AIDA: variants seen among roughly 807,000 people sequenced by gnomAD.
AIDA encodes axin interactor, dorsalization-associated protein.
Under a neutral mutation model 42.7 loss-of-function variants are expected in AIDA, and 18 were observed. The ratio of observed to expected loss-of-function variants is 0.42; its 90% CI spans 0.29 to 0.63. AIDA has a LOEUF of 0.63. Ranked by LOEUF, AIDA falls within the 20% of genes least tolerant of loss-of-function variation. AIDA has a pLI of 0.19. For missense variants in AIDA, 250 were observed against 354.1 expected (o/e 0.71, Z 2.36); for synonymous variants, 104 against 122.9 (o/e 0.85, Z 1.02).
chr1:222,702,068 T>G (rs933715628), intron 2 of AIDA, among the ~76,000 whole-genome samples: 1 of 152,186 alleles, frequency 6.6e-6, no homozygotes, highest in African/African-American at 2.4e-5. Flanking sequence ...TTTTGTTTTT[T>G]AAATACAAAA....
rs1222152313 is a variant in AIDA at position 222,694,191 on chromosome 1, G to C, written c.234+19C>G. ...AATAATTTATTTTCCTTGTATTACA[G>C]AAGAGAAAAACTCCTTACCTGTAAA... is the stretch of plus-strand genomic sequence containing the variant. On this transcript the variant is annotated intron_variant, in intron 3 of 9. Transcript: ENST00000340020. 2 of 1,596,304 alleles carry C rather than the reference G, an allele frequency of 1.3e-6. No homozygotes were observed. Among genetic ancestry groups the C allele is most frequent in the Admixed American group, 3.6e-5 (2 of 56,154 alleles).
At chr1:222,707,930 T>A (rs547792982) in intron 1 of AIDA, among the ~76,000 whole-genome samples, 6 of 152,234 alleles carry the variant, frequency 3.9e-5, no homozygotes, top group Non-Finnish European at 8.8e-5. Flanking sequence ...TCTTTCCTTA[T>A]CTTACTGCAC....
chr1:222,689,481 G>GTA (rs1183093082), intron 4 of AIDA, among the ~76,000 whole-genome samples: 164 of 35,334 alleles, frequency 4.6e-3, no homozygotes, highest in South Asian at 0.022. Context: ...GTGTGTGTGT[G>GTA]TATATATATA....
chr1:222,671,666 C>G (rs1474455236), intron 8 of AIDA, among the ~76,000 whole-genome samples: 1 of 152,174 alleles, frequency 6.6e-6, no homozygotes, highest in Non-Finnish European at 1.5e-5. Flanking sequence ...ATTTGGCCAT[C>G]CACTCCCAAC....
At chr1:222,673,817 C>T (rs1277161394) in intron 7 of AIDA, among the ~76,000 whole-genome samples, 2 of 151,684 alleles carry the variant, frequency 1.3e-5, no homozygotes, top group South Asian at 2.1e-4. Flanking sequence ...GGCACGGTGG[C>T]TCACACCTGT....
intron 1 of AIDA, among the ~76,000 whole-genome samples, chr1:222,709,517 G>A (rs1327818479): frequency 6.6e-6 from 1 of 152,164 alleles, no homozygotes; most frequent in Non-Finnish European, 1.5e-5. Context: ...GAAGCAGGAT[G>A]GGGAGCAGGA....
In AIDA at chr1:222,668,213, T is replaced by A. The variant is rs902157836; in HGVS notation, c.*1680A>T. 2.7e-5 allele frequency: 4 copies of A among 150,726 alleles called. No individual in the cohort carries two copies. Among genetic ancestry groups the A allele is most frequent in the Non-Finnish European group, 5.9e-5 (4 of 67,738 alleles). 9.3% of individuals were successfully genotyped at this position (150,726 alleles called of 1,614,324 possible). A position where few individuals can be genotyped will look rare whatever the true frequency, so the allele number is the denominator to read the frequency against. On this transcript the variant is annotated 3_prime_UTR_variant, in exon 10 of 10. Coordinates refer to ENST00000340020, the MANE Select transcript of AIDA (RefSeq NM_022831.4). ...TTTTTAAGGGATTTTTTTTCAGGTC[T>A]TGTCAGCAACATCAAACAAAAGGTA...
chr1:222,687,262 T>C (rs1460769926), intron 5 of AIDA, among the ~76,000 whole-genome samples: 1 of 151,992 alleles, frequency 6.6e-6, no homozygotes, highest in Non-Finnish European at 1.5e-5. Context: ...AAATCCCGTC[T>C]CTACTAAAAT....
chr1:222,691,463 C>T lies in AIDA; in HGVS notation c.289+2326G>A, dbSNP rs137941287. On this transcript the variant is annotated intron_variant, in intron 4 of 9. Coordinates refer to ENST00000340020, the MANE Select transcript of AIDA (RefSeq NM_022831.4). ...GAGTCTGTTGTCAGAATTAAAATCA[C>T]GAAATTACATAGAAAAATTTAAAGT... 2.1e-4 allele frequency among the ~76,000 whole-genome samples: 32 copies of T among 152,140 alleles called. 1 individual carries two copies. Among genetic ancestry groups the T allele is most frequent in the East Asian group, 1.5e-3 (8 of 5,172 alleles).
chr1:222,699,562 G>A (rs1479025282), intron 2 of AIDA, among the ~76,000 whole-genome samples: 1 of 152,116 alleles, frequency 6.6e-6, no homozygotes, highest in East Asian at 1.9e-4. Flanking sequence ...GTCCCGAGAA[G>A]TCACAAACTC....
intron 4 of AIDA, among the ~76,000 whole-genome samples, chr1:222,689,481 GTATATATATATA>G (rs1183093082): frequency 0.047 from 1,661 of 35,392 alleles, 99 homozygotes; most frequent in Middle Eastern, 0.13. Context: ...GTGTGTGTGT[GTATATATATATA>G]TATATATATA....
chr1:222,686,109 C>T (rs1303861301), intron 6 of AIDA, among the ~76,000 whole-genome samples: 1 of 152,132 alleles, frequency 6.6e-6, no homozygotes, highest in African/African-American at 2.4e-5. Flanking sequence ...TGCAGTGAGC[C>T]GAGATGGTGC....
chr1:222,673,280 A>T (rs371361715), intron 8 of AIDA, 33 bp downstream of exon 8: 1 of 1,575,736 alleles, frequency 6.3e-7, no homozygotes, highest in African/African-American at 1.4e-5. Flanking sequence ...AATTCTGTCC[A>T]TAAGAAGCCA....
chr1:222,691,880 C>T (rs1655383927), intron 4 of AIDA, among the ~76,000 whole-genome samples: 1 of 152,084 alleles, frequency 6.6e-6, no homozygotes, highest in Admixed American at 6.6e-5. Flanking sequence ...AGTATCTTCC[C>T]TTTGTATTGT....
chr1:222,691,854 T>G (rs1348066059), intron 4 of AIDA, among the ~76,000 whole-genome samples: 1 of 152,168 alleles, frequency 6.6e-6, no homozygotes, highest in African/African-American at 2.4e-5. Flanking sequence ...AGCTGAAAAC[T>G]GTATCAGTTA....
chr1:222,684,032 C>T (rs898629344), intron 6 of AIDA, among the ~76,000 whole-genome samples: 8 of 152,096 alleles, frequency 5.3e-5, no homozygotes, highest in Admixed American at 5.2e-4. Flanking sequence ...CATACCCTCA[C>T]ACCTCATTAT....
chr1:222,689,483 A>ATGTATG (rs1316601594), intron 4 of AIDA, among the ~76,000 whole-genome samples: 47 of 28,846 alleles, frequency 1.6e-3, no homozygotes, highest in Admixed American at 3.0e-3. Flanking sequence ...GTGTGTGTGT[A>ATGTATG]TATATATATA....
At chr1:222,710,048 C>T (rs969716674) in intron 1 of AIDA, among the ~76,000 whole-genome samples, 1 of 152,198 alleles carries the variant, frequency 6.6e-6, no homozygotes, top group African/African-American at 2.4e-5. Context: ...TCTACACCCT[C>T]GACATCCAGT....
intron 4 of AIDA, among the ~76,000 whole-genome samples, chr1:222,689,265 C>T (rs1039986308): frequency 6.6e-6 from 1 of 150,960 alleles, no homozygotes; most frequent in Non-Finnish European, 1.5e-5. Flanking sequence ...CAGTGAAACC[C>T]CATCTCTACT....
Sources: gnomAD v4.1 joint callset for allele counts (sites outside exome capture counted in the v4.1 genomes callset) on GRCh38, gnomAD v4.1.1 for gene constraint, MANE v1.5 for transcripts, NCBI Gene and HGNC (gene_info 2026-07-23, HGNC 2026-07-21) for gene names.